FREM2: variants seen among roughly 807,000 people sequenced by gnomAD.
FREM2 encodes FRAS1 related extracellular matrix 2.
FREM2 carries 119 observed loss-of-function variants against 219.9 expected under a neutral mutation model. The ratio of observed to expected loss-of-function variants is 0.54; its 90% CI spans 0.47 to 0.63. The LOEUF is 0.63. Among genes scored for constraint, FREM2 ranks in the 30% least tolerant of loss-of-function variants. The probability of loss-of-function intolerance (pLI) is 0.00; values close to 1 mark genes in which losing one functional copy is unlikely to be tolerated. For missense variants in FREM2, 4,030 were observed against 3,993.6 expected, an observed-to-expected ratio of 1.01 and a Z score of -0.25; for synonymous variants, 1,562 against 1,522.8, an observed-to-expected ratio of 1.03 and a Z score of -0.60.
intron 16 of FREM2, among the ~76,000 whole-genome samples, chr13:38,867,959 C>A (rs1878030687): frequency 6.6e-6 from 1 of 152,128 alleles, no homozygotes; most frequent in South Asian, 2.1e-4. Flanking sequence ...ATGGACACAC[C>A]CAGAAATAAT....
At chr13:38,809,925 T>C (rs757967637) in intron 6 of FREM2, among the ~76,000 whole-genome samples, 3 of 152,060 alleles carry the variant, frequency 2.0e-5, no homozygotes, top group Admixed American at 6.6e-5. Flanking sequence ...TTGAGTAGTA[T>C]GAACATTTAA....
At chr13:38,765,480 A>G (rs1404422540) in intron 3 of FREM2, among the ~76,000 whole-genome samples, 3 of 152,212 alleles carry the variant, frequency 2.0e-5, no homozygotes, top group East Asian at 1.9e-4. Context: ...TAGTAAACCT[A>G]TGCTTGTCTC....
chr13:38,796,750 A>T (rs1200901342), intron 6 of FREM2, among the ~76,000 whole-genome samples: 2 of 152,154 alleles, frequency 1.3e-5, no homozygotes, highest in Non-Finnish European at 2.9e-5. Context: ...TATTCCTTTG[A>T]TATATAGGTA....
chr13:38,748,437 G>A (rs954727320), intron 2 of FREM2, among the ~76,000 whole-genome samples: 2 of 152,164 alleles, frequency 1.3e-5, no homozygotes, highest in Non-Finnish European at 2.9e-5. Context: ...AAAATTATGT[G>A]ACCTGCATGT....
rs534398768 is a variant in FREM2 at position 38,719,361 on chromosome 13, C to T, written c.5263+21574C>T. Among the ~76,000 whole-genome samples, 3 of 152,306 alleles carry T rather than the reference C, an allele frequency of 2.0e-5. No homozygotes were observed. In the East Asian group the frequency reaches 5.8e-4, roughly 29 times the overall value. Reference sequence around the variant, plus strand: ...TCACCCTCCCGAGTAGCTGAGATTACAGGCATGCACCACCATGCCCAGCTA... The same window carrying T: ...TCACCCTCCCGAGTAGCTGAGATTATAGGCATGCACCACCATGCCCAGCTA... On this transcript the variant is annotated intron_variant, in intron 2 of 23. Coordinates refer to ENST00000280481, the MANE Select transcript of FREM2 (RefSeq NM_207361.6).
intron 17 of FREM2, 62 bp downstream of exon 17, chr13:38,872,996 A>ATT: frequency 6.8e-7 from 1 of 1,460,762 alleles, no homozygotes; most frequent in Non-Finnish European, 9.5e-7. Flanking sequence ...ATTTAAGACG[A>ATT]TTTTTTTTTG....
At chr13:38,727,415 T>G (rs1260074425) in intron 2 of FREM2, among the ~76,000 whole-genome samples, 1 of 151,808 alleles carries the variant, frequency 6.6e-6, no homozygotes, top group East Asian at 1.9e-4. Context: ...GGAGGTGGAG[T>G]TTGCAGTGAG....
At chr13:38,754,281 T>C (rs368750687) in intron 2 of FREM2, among the ~76,000 whole-genome samples, 1 of 152,182 alleles carries the variant, frequency 6.6e-6, no homozygotes, top group Non-Finnish European at 1.5e-5. Context: ...ATAATACTTA[T>C]CATTTGAGGG....
intron 6 of FREM2, among the ~76,000 whole-genome samples, chr13:38,811,507 T>C (rs1181828992): frequency 6.6e-6 from 1 of 152,128 alleles, no homozygotes; most frequent in Non-Finnish European, 1.5e-5. Flanking sequence ...GTTTCCATTA[T>C]CATTTGTTTC....
chr13:38,816,470 AT>A (rs563477884), intron 6 of FREM2, among the ~76,000 whole-genome samples: 133 of 152,358 alleles, frequency 8.7e-4, no homozygotes, highest in African/African-American at 3.2e-3. Context: ...AACGGAAAGA[AT>A]TATTTTTTAA....
rs116438799 is a variant in FREM2 at position 38,691,312 on chromosome 13, A to G, written c.3968A>G (p.Asn1323Ser). The G allele has an allele frequency of 6.5e-5, 105 of 1,613,972 alleles. No homozygotes were observed. In the African/African-American group the frequency reaches 1.2e-3, roughly 18 times the overall value. Residue 1323 changes from asparagine (N) to serine (S), a missense_variant, in exon 1 of 24, where the codon AAC becomes AGC. Coordinates refer to ENST00000280481, the MANE Select transcript of FREM2 (RefSeq NM_207361.6). ...GAAATTGGGGATACCAAGATTATCA[A>G]CAACAAAATATTAATGGCAACAGAT... is the stretch of plus-strand genomic sequence containing the variant. Reference protein sequence around the residue: ...EIEIGDTKIINNKILMATDLD... With the variant: ...EIEIGDTKIISNKILMATDLD...
rs886050194 is a variant in FREM2 at position 38,881,078 on chromosome 13, A to G, written c.*291A>G. On this transcript the variant is annotated 3_prime_UTR_variant, in exon 24 of 24. Coordinates refer to ENST00000280481, the MANE Select transcript of FREM2 (RefSeq NM_207361.6). ...CTCATTTTAGACATATTCTCTATGCAGTGGAGATAAATCTATTAAAAGGTG... is the reference window on the plus strand; with the variant it reads ...CTCATTTTAGACATATTCTCTATGCGGTGGAGATAAATCTATTAAAAGGTG... The G allele has an allele frequency of 2.4e-5, 11 of 466,858 alleles. No individual in the cohort carries two copies. Among genetic ancestry groups the G allele is most frequent in the South Asian group, 1.7e-4 (8 of 47,198 alleles). The allele number at this position is 466,858 out of a possible 1,614,324, so 28.9% of individuals were successfully genotyped here.
chr13:38,841,449 C>T (rs1440960653), intron 6 of FREM2, among the ~76,000 whole-genome samples: 1 of 151,928 alleles, frequency 6.6e-6, no homozygotes, highest in Non-Finnish European at 1.5e-5. Context: ...GTTGGAGATT[C>T]TGAGTTGGAA....
chr13:38,880,221 G>T, intron 23 of FREM2, 63 bp from the exon 24 acceptor site: 1 of 1,491,420 alleles, frequency 6.7e-7, no homozygotes. Flanking sequence ...CTCTTGCAAA[G>T]AGTCGTGGAT....
In FREM2 at chr13:38,689,681, C is replaced by T; in HGVS notation, c.2337C>T (p.Ile779=). 2.5e-6 allele frequency: 4 copies of T among 1,614,122 alleles called. No individual in the cohort carries two copies. The highest frequency in any genetic ancestry group is 3.4e-6 in the Non-Finnish European group (4 of 1,180,022). Residue 779 remains isoleucine (I), a synonymous_variant, in exon 1 of 24, where the codon ATC becomes ATT. Transcript: ENST00000280481. ...VVVTHFTQAQ[I]NHHKIAYRPP... Reference sequence around the variant, plus strand: ...TGACCCATTTTACCCAAGCCCAGATCAACCATCATAAAATTGCTTACAGAC... The same window carrying T: ...TGACCCATTTTACCCAAGCCCAGATTAACCATCATAAAATTGCTTACAGAC...
intron 9 of FREM2, 85 bp from the exon 10 acceptor site, chr13:38,850,859 A>G: frequency 2.0e-6 from 3 of 1,509,410 alleles, no homozygotes; most frequent in Non-Finnish European, 2.7e-6. Context: ...GGGAAAATCA[A>G]CAAACTTGCC....
At chr13:38,859,650 C>T in intron 14 of FREM2, 60 bp downstream of exon 14, 1 of 1,458,512 alleles carries the variant, frequency 6.9e-7, no homozygotes, top group Admixed American at 1.7e-5. Flanking sequence ...TTACAAATGT[C>T]TACTTTCTGG....
intron 2 of FREM2, among the ~76,000 whole-genome samples, chr13:38,730,524 G>T (rs1871721882): frequency 6.6e-6 from 1 of 152,194 alleles, no homozygotes. Flanking sequence ...TGTGAGGAAG[G>T]AATGTTGGAT....
chr13:38,836,380 A>G (rs1056768519), intron 6 of FREM2, among the ~76,000 whole-genome samples: 1 of 152,190 alleles, frequency 6.6e-6, no homozygotes, highest in Admixed American at 6.5e-5. Flanking sequence ...ATGGATGTTC[A>G]TCAGGGATAG....
Sources: allele counts gnomAD v4.1 joint callset (sites outside exome capture counted in the v4.1 genomes callset), GRCh38; gene constraint gnomAD v4.1.1; transcripts MANE v1.5; gene names NCBI Gene and HGNC (gene_info 2026-07-23, HGNC 2026-07-21).